Variants in OGA observed in about 807,000 individuals in gnomAD.
OGA encodes the protein protein O-GlcNAcase.
Under a neutral mutation model 102.0 loss-of-function variants are expected in OGA, and 21 were observed. That is an observed-to-expected ratio of 0.21 (90% CI 0.15 to 0.30). OGA has a LOEUF of 0.30. Ranked by LOEUF, OGA falls within the 10% of genes least tolerant of loss-of-function variation. The probability of loss-of-function intolerance (pLI) is 1.00; values close to 1 mark genes in which losing one functional copy is unlikely to be tolerated. For missense variants in OGA, 765 were observed against 1,107.8 expected (o/e 0.69, Z 4.39); for synonymous variants, 408 against 378.2 (o/e 1.08, Z -0.91).
chr10:101,818,380 T>G lies in OGA; in HGVS notation c.-358A>C. The G allele has an allele frequency of 9.6e-7, 1 of 1,043,220 alleles. No individual in the cohort carries two copies. Among genetic ancestry groups the G allele is most frequent in the Non-Finnish European group, 1.2e-6 (1 of 866,434 alleles). The allele number at this position is 1,043,220 out of a possible 1,614,324, so 64.6% of individuals were successfully genotyped here. ...CCGATAATCTTAGGTCTTCCGCTGTTTCCCCTCCAAGCCCCGAGCTCTCCC... is the reference window on the plus strand; with the variant it reads ...CCGATAATCTTAGGTCTTCCGCTGTGTCCCCTCCAAGCCCCGAGCTCTCCC... On this transcript the variant is annotated 5_prime_UTR_variant, in exon 1 of 16. Coordinates refer to ENST00000361464, the MANE Select transcript of OGA (RefSeq NM_012215.5).
rs1029837647 is a variant in OGA at position 101,818,105 on chromosome 10, G to A, written c.-83C>T. ...GGCACCGGCCCGGAGCCCTGGAGAG[G>A]GCTTCAGCTCCAAGTGTGCGCCCCT... On this transcript the variant is annotated 5_prime_UTR_variant, in exon 1 of 16. Coordinates refer to ENST00000361464, the MANE Select transcript of OGA (RefSeq NM_012215.5). 4.2e-5 allele frequency: 60 copies of A among 1,431,324 alleles called. 2 individuals are homozygous for A. In the Admixed American group the frequency reaches 4.8e-4, roughly 12 times the overall value. The allele number at this position is 1,431,324 out of a possible 1,614,324, so 88.7% of individuals were successfully genotyped here. A position where few individuals can be genotyped will look rare whatever the true frequency, so the allele number is the denominator to read the frequency against.
At chr10:101,788,720 G>C (rs1285196475) in intron 14 of OGA, among the ~76,000 whole-genome samples, 3 of 151,044 alleles carry the variant, frequency 2.0e-5, no homozygotes, top group Non-Finnish European at 2.9e-5. Flanking sequence ...AGGCGACAGA[G>C]GGAAACTCCG....
chr10:101,792,433 G>A (rs1055231653), intron 12 of OGA, among the ~76,000 whole-genome samples: 12 of 152,182 alleles, frequency 7.9e-5, no homozygotes, highest in African/African-American at 2.7e-4. Flanking sequence ...GAGCCACCGC[G>A]CCTGGCCCTG....
intron 4 of OGA, among the ~76,000 whole-genome samples, chr10:101,809,232 T>C (rs2065516384): frequency 6.6e-6 from 1 of 152,190 alleles, no homozygotes; most frequent in Non-Finnish European, 1.5e-5. Flanking sequence ...ATGTGGTTCT[T>C]GACCACCAAT....
chr10:101,813,452 C>G, intron 2 of OGA, 103 bp downstream of exon 2: 1 of 742,270 alleles, frequency 1.3e-6, no homozygotes, highest in Non-Finnish European at 2.2e-6. Context: ...ATTGAGAAAC[C>G]ATCAAAATGC....
In OGA at chr10:101,797,856, C is replaced by T; in HGVS notation, c.1984+124G>A. ...AATAATGCCTATTTTTGAAAGAAACCTAGGCAACGAATTGAAGAGACTTGG... is the reference window on the plus strand; with the variant it reads ...AATAATGCCTATTTTTGAAAGAAACTTAGGCAACGAATTGAAGAGACTTGG... On this transcript the variant is annotated intron_variant, in intron 10 of 15. Coordinates refer to ENST00000361464, the MANE Select transcript of OGA (RefSeq NM_012215.5). 4 of 919,182 alleles carry T rather than the reference C, an allele frequency of 4.4e-6. No individual in the cohort carries two copies. In the South Asian group the frequency reaches 6.3e-5, roughly 14 times the overall value. The allele number at this position is 919,182 out of a possible 1,614,324, so 56.9% of individuals were successfully genotyped here. A position where few individuals can be genotyped will look rare whatever the true frequency, so the allele number is the denominator to read the frequency against.
intron 2 of OGA, among the ~76,000 whole-genome samples, 170 bp from the exon 3 acceptor site, chr10:101,813,297 T>C (rs2065581997): frequency 6.6e-6 from 1 of 152,204 alleles, no homozygotes; most frequent in Non-Finnish European, 1.5e-5. Flanking sequence ...AGTATTACAA[T>C]GTATGCCAAC....
At chr10:101,810,392 G>T in intron 3 of OGA, 78 bp from the exon 4 acceptor site, 2 of 1,293,654 alleles carry the variant, frequency 1.5e-6, no homozygotes, top group South Asian at 1.4e-5. Context: ...AACTGAAGAG[G>T]TTATTTCTTC....
intron 3 of OGA, among the ~76,000 whole-genome samples, chr10:101,811,481 C>T (rs1167945758): frequency 1.4e-5 from 2 of 144,758 alleles, no homozygotes; most frequent in South Asian, 2.2e-4. Context: ...GGCAAGTTGA[C>T]TGCTTGAGTT....
chr10:101,818,137 C>A lies in OGA; in HGVS notation c.-115G>T, dbSNP rs1315692631. 1.7e-5 allele frequency: 23 copies of A among 1,391,224 alleles called. No homozygotes were observed. The highest frequency in any genetic ancestry group is 1.7e-5 in the Non-Finnish European group (18 of 1,074,684). The allele number at this position is 1,391,224 out of a possible 1,614,324, so 86.2% of individuals were successfully genotyped here. On this transcript the variant is annotated 5_prime_UTR_variant, in exon 1 of 16. Transcript: ENST00000361464. The stretch of plus-strand genomic sequence containing the variant: ...GCTCCAAGTGTGCGCCCCTCCGGCT[C>A]CTTCCCCTCCCCCTCTGCCCTTCCC...
intron 6 of OGA, among the ~76,000 whole-genome samples, chr10:101,805,460 G>A (rs1006080757): frequency 2.6e-5 from 4 of 151,746 alleles, no homozygotes; most frequent in Admixed American, 6.6e-5. Context: ...TTTGAGACCA[G>A]CCTGGCTAAC....
chr10:101,792,659 G>C (rs1322923867), intron 12 of OGA, 180 bp downstream of exon 12: 5 of 494,636 alleles, frequency 1.0e-5, no homozygotes, highest in Non-Finnish European at 1.4e-5. Flanking sequence ...CTTGGCACAA[G>C]ATGTTAAAAG....
chr10:101,798,902 T>A lies in OGA; in HGVS notation c.1749A>T (p.Gln583His). Residue 583 changes from glutamine to histidine, a missense_variant, in exon 9 of 16, where the codon CAA (glutamine) becomes CAT (histidine). Gln to His is a conservative substitution (Grantham distance 24). Coordinates refer to ENST00000361464, the MANE Select transcript of OGA (RefSeq NM_012215.5). ...CAACACTACTATTTGCTCGAAGCCA[T>A]TGAAATTCCCGTAACATCTGTGCTC... is the stretch of plus-strand genomic sequence containing the variant. The part of the protein sequence containing the change: ...PKGAQMLREF[Q>H]WLRANSSVVS... The A allele has an allele frequency of 6.2e-7, 1 of 1,614,186 alleles. No individual in the cohort carries two copies.
chr10:101,799,481 T>A (rs1006215587), intron 8 of OGA, 26 bp from the exon 9 acceptor site: 1 of 1,585,472 alleles, frequency 6.3e-7, no homozygotes, highest in African/African-American at 1.4e-5. Context: ...AATGTATAAA[T>A]AAAATGGTCA....
At chr10:101,790,265 GTTTTTTTTTTTTTTT>G (rs869235919) in intron 14 of OGA, among the ~76,000 whole-genome samples, 3 of 86,392 alleles carry the variant, frequency 3.5e-5, no homozygotes, top group Non-Finnish European at 6.3e-5. Context: ...ATAATATCTT[GTTTTTTTTTTTTTTT>G]TTTTTTTTTT....
chr10:101,810,142 A>C, intron 4 of OGA, 42 bp downstream of exon 4: 1 of 1,531,948 alleles, frequency 6.5e-7, no homozygotes, highest in Non-Finnish European at 8.9e-7. Flanking sequence ...TTCTAGTTTC[A>C]AGTACATAGT....
At chr10:101,795,470 G>T (rs759520403) in intron 10 of OGA, among the ~76,000 whole-genome samples, 6 of 152,192 alleles carry the variant, frequency 3.9e-5, no homozygotes, top group African/African-American at 7.2e-5. Flanking sequence ...TTGTGCTGAG[G>T]ATTCTCCCAT....
intron 7 of OGA, among the ~76,000 whole-genome samples, chr10:101,802,800 T>G (rs538969049): frequency 8.6e-5 from 13 of 150,738 alleles, no homozygotes; most frequent in African/African-American, 2.4e-4. Context: ...TAATTAGAGA[T>G]TTTTCATAAA....
At chr10:101,788,418 G>A (rs1335743874) in intron 14 of OGA, among the ~76,000 whole-genome samples, 6 of 145,216 alleles carry the variant, frequency 4.1e-5, no homozygotes, top group Non-Finnish European at 7.5e-5. Context: ...CAGCCTGGGC[G>A]GGGAAAAAAA....
Sources: allele counts gnomAD v4.1 joint callset (sites outside exome capture counted in the v4.1 genomes callset), GRCh38; gene constraint gnomAD v4.1.1; transcripts MANE v1.5; gene names NCBI Gene and HGNC (gene_info 2026-07-23, HGNC 2026-07-21).